The following SLC6A5 variants were observed in gnomAD, a reference collection of about 807,000 sequenced individuals.
SLC6A5 encodes sodium- and chloride-dependent glycine transporter 2.
In SLC6A5, 58 loss-of-function variants were observed where a neutral mutation model predicts 90.5. The ratio of observed to expected loss-of-function variants is 0.64; its 90% CI spans 0.52 to 0.80. The LOEUF (loss-of-function observed/expected upper bound fraction) is 0.80. SLC6A5 is among the 30% of genes least tolerant of loss of function. The pLI is 0.00. For synonymous variants in SLC6A5, 427 were observed against 401.4 expected (o/e 1.06, Z -0.76); for missense variants, 1,015 against 1,017.6 (o/e 1.00, Z 0.03).
Position 20,601,118 on chromosome 11 carries a change from T to C in SLC6A5, c.4-11T>C, listed in dbSNP as rs774039277. 31 of 1,584,174 alleles carry C rather than the reference T, an allele frequency of 2.0e-5. No homozygotes were observed. The highest frequency in any genetic ancestry group is 2.5e-5 in the Non-Finnish European group (29 of 1,172,854). On this transcript the variant is annotated splice_polypyrimidine_tract_variant and intron_variant, in intron 1 of 15. Coordinates refer to ENST00000525748, the MANE Select transcript of SLC6A5 (RefSeq NM_004211.5). ...ACTTTGTTTTGCACGAACTTGACAT[T>C]GTGTTTGCAGGATTGCAGTGCTCCC... is the stretch of plus-strand genomic sequence containing the variant.
At chr11:20,619,190 C>T (rs1327888353) in intron 7 of SLC6A5, among the ~76,000 whole-genome samples, 1 of 152,150 alleles carries the variant, frequency 6.6e-6, no homozygotes, top group African/African-American at 2.4e-5. Flanking sequence ...GATTATGTTA[C>T]AATCAACCAA....
chr11:20,624,599 C>A (rs7925072), intron 7 of SLC6A5, among the ~76,000 whole-genome samples: 1 of 152,040 alleles, frequency 6.6e-6, no homozygotes, highest in Non-Finnish European at 1.5e-5. Context: ...AGACAGCGTG[C>A]GGCAGGTGCC....
intron 15 of SLC6A5, among the ~76,000 whole-genome samples, chr11:20,652,883 A>G (rs1187341274): frequency 2.6e-5 from 4 of 151,668 alleles, no homozygotes; most frequent in African/African-American, 4.8e-5. Flanking sequence ...TAAAATCACT[A>G]CCCCCTCCTG....
chr11:20,641,067 T>C (rs1019446687), intron 13 of SLC6A5, among the ~76,000 whole-genome samples: 12 of 152,230 alleles, frequency 7.9e-5, no homozygotes, highest in African/African-American at 2.9e-4. Flanking sequence ...GGCCAATAGC[T>C]GGCTTCGAGG....
At chr11:20,630,891 C>G (rs1853097571) in intron 10 of SLC6A5, 76 bp downstream of exon 10, 4 of 1,535,208 alleles carry the variant, frequency 2.6e-6, no homozygotes, top group South Asian at 2.3e-5. Flanking sequence ...TTAGACTATG[C>G]TGGGAAGCTG....
intron 7 of SLC6A5, among the ~76,000 whole-genome samples, chr11:20,621,986 C>T (rs933896871): frequency 2.6e-5 from 4 of 152,170 alleles, no homozygotes; most frequent in African/African-American, 9.7e-5. Flanking sequence ...ACCTAATTAG[C>T]TCGTACAGGC....
At chr11:20,650,461 A>AG (rs1341378710) in intron 14 of SLC6A5, among the ~76,000 whole-genome samples, 1 of 152,054 alleles carries the variant, frequency 6.6e-6, no homozygotes. Context: ...CTTAAAATCA[A>AG]GGGGGGACTC....
chr11:20,637,321 C>T lies in SLC6A5; in HGVS notation c.1869+18C>T, dbSNP rs1853228338. ...TCACTCAGGTAAGCTGCCTCCTAGG[C>T]ACAGGCTTGGGGTGGGGGCAGGAGG... On this transcript the variant is annotated intron_variant, in intron 12 of 15. Transcript: ENST00000525748. 1 of 1,547,404 alleles carries T rather than the reference C, an allele frequency of 6.5e-7. No individual in the cohort carries two copies. Among genetic ancestry groups the T allele is most frequent in the Admixed American group, 1.7e-5 (1 of 59,088 alleles).
Position 20,606,907 on chromosome 11 carries a change from A to C in SLC6A5, c.680-100A>C, listed in dbSNP as rs553929620. 2,974 of 1,463,112 alleles carry C rather than the reference A, an allele frequency of 2.0e-3. 25 individuals carry two copies. The highest frequency in any genetic ancestry group is 3.3e-3 in the Middle Eastern group (19 of 5,690). 90.6% of individuals were successfully genotyped at this position (1,463,112 alleles called of 1,614,324 possible). On this transcript the variant is annotated intron_variant, in intron 3 of 15. Transcript: ENST00000525748. The stretch of plus-strand genomic sequence containing the variant: ...CAGGAATGGAGCTAAATTGTCCTTT[A>C]GTTCTTTGAGAGGGAGCTCAGCCCC...
chr11:20,642,145 A>G (rs1022964521), intron 13 of SLC6A5, among the ~76,000 whole-genome samples: 1 of 150,390 alleles, frequency 6.6e-6, no homozygotes. Context: ...AAAAATATGA[A>G]GTTCAATATG....
intron 14 of SLC6A5, 24 bp from the exon 15 acceptor site, chr11:20,652,265 C>G (rs200749816): frequency 6.2e-7 from 1 of 1,612,872 alleles, no homozygotes; most frequent in African/African-American, 1.3e-5. Flanking sequence ...CACCCTAACA[C>G]GTGTGTCACT....
chr11:20,637,341 A>C (rs777108161), intron 12 of SLC6A5, 38 bp downstream of exon 12: 79 of 815,558 alleles, frequency 9.7e-5, no homozygotes, highest in Non-Finnish European at 1.5e-4. Context: ...GGGTGGGGGC[A>C]GGAGGGTGGG....
intron 9 of SLC6A5, chr11:20,629,067 A>G (rs1299876557): frequency 6.6e-6 from 1 of 152,206 alleles, no homozygotes; most frequent in Non-Finnish European, 1.5e-5. Context: ...AGGTCATGCC[A>G]CTAAAAGGCA....
Position 20,630,482 on chromosome 11 carries a change from C to T in SLC6A5, c.1500-209C>T, listed in dbSNP as rs192410138. On this transcript the variant is annotated intron_variant, in intron 9 of 15. Transcript: ENST00000525748. ...GGAGTCAGAGCTTTGGCCCACAGGCCCTGAATCAGGGCTATTAGGGGATAT... is the reference window on the plus strand; with the variant it reads ...GGAGTCAGAGCTTTGGCCCACAGGCTCTGAATCAGGGCTATTAGGGGATAT... 4.6e-5 allele frequency among the ~76,000 whole-genome samples: 7 copies of T among 152,270 alleles called. No individual in the cohort carries two copies. In the East Asian group the frequency reaches 1.4e-3, roughly 29 times the overall value.
Position 20,641,820 on chromosome 11 carries a change from C to T in SLC6A5, c.1969+3262C>T, listed in dbSNP as rs2298828. On this transcript the variant is annotated intron_variant, in intron 13 of 15. Coordinates refer to ENST00000525748, the MANE Select transcript of SLC6A5 (RefSeq NM_004211.5). Reference sequence around the variant, plus strand: ...GTCATGGAACTTGCCAACTAGCTCCCAAGGAAGAACACACACACTTAAGAC... The same window carrying T: ...GTCATGGAACTTGCCAACTAGCTCCTAAGGAAGAACACACACACTTAAGAC... 0.023 allele frequency among the ~76,000 whole-genome samples: 3,492 copies of T among 152,142 alleles called. 322 individuals carry two copies. The East Asian group carries it at 0.33, about 14-fold the overall frequency.
At chr11:20,641,720 C>T (rs924855470) in intron 13 of SLC6A5, among the ~76,000 whole-genome samples, 43 of 152,108 alleles carry the variant, frequency 2.8e-4, no homozygotes, top group Admixed American at 2.8e-3. Flanking sequence ...TCATTAATAA[C>T]TCACACAGGT....
At chr11:20,610,603 G>A (rs1046959905) in intron 5 of SLC6A5, among the ~76,000 whole-genome samples, 1 of 152,210 alleles carries the variant, frequency 6.6e-6, no homozygotes, top group Non-Finnish European at 1.5e-5. Flanking sequence ...GAGATATGGA[G>A]TGTTCTTTAA....
intron 13 of SLC6A5, among the ~76,000 whole-genome samples, chr11:20,639,224 C>T (rs1162127679): frequency 6.6e-6 from 1 of 152,106 alleles, no homozygotes; most frequent in Admixed American, 6.5e-5. Flanking sequence ...AAGGGCATCT[C>T]CTGGTCCCTT....
At position 20,654,832 on chromosome 11, in the gene SLC6A5, G is replaced by A. The variant is rs1165910030; in HGVS notation, c.2358G>A (p.Leu786=). 3.1e-6 allele frequency: 5 copies of A among 1,614,188 alleles called. No homozygotes were observed. The highest frequency in any genetic ancestry group is 3.4e-6 in the Non-Finnish European group (4 of 1,180,014). ...GAACCTCTTCCTTGGGACTCAAACT[G>A]CCAGTGAAGGATTTGGAACTGGGCA... ...PLGTSSLGLK[L]PVKDLELGTQ... is the part of the protein sequence containing the mutation. The change falls in exon 16 of 16, where the codon CTG becomes CTA. Residue 786 remains leucine (L), a synonymous_variant. Transcript: ENST00000525748.
Sources: gnomAD v4.1 joint callset for allele counts (sites outside exome capture counted in the v4.1 genomes callset) on GRCh38, gnomAD v4.1.1 for gene constraint, MANE v1.5 for transcripts, NCBI Gene and HGNC (gene_info 2026-07-23, HGNC 2026-07-21) for gene names.